The following MRPS6 variants were observed in gnomAD, a reference collection of about 807,000 sequenced individuals.
MRPS6 encodes mitochondrial ribosomal protein S6, also known as small ribosomal subunit protein bS6m.
Under a neutral mutation model 13.1 loss-of-function variants are expected in MRPS6, and 6 were observed. The observed-to-expected ratio is 0.46, with a 90% CI of 0.25 to 0.91. The LOEUF is 0.91. MRPS6 is among the 40% of genes least tolerant of loss of function. The pLI is 0.18. For synonymous variants in MRPS6, 61 were observed against 56.5 expected (o/e 1.08, Z -0.36); for missense variants, 164 against 155.6 (o/e 1.05, Z -0.29).
chr21:34,141,971 G>GT (rs1183463453), intron 2 of MRPS6, among the ~76,000 whole-genome samples: 1 of 152,190 alleles, frequency 6.6e-6, no homozygotes, highest in Non-Finnish European at 1.5e-5. Context: ...TCTTAGGTGT[G>GT]TTAGTTCACA....
chr21:34,079,597 AG>A (rs1287521104), intron 1 of MRPS6, among the ~76,000 whole-genome samples: 2 of 120,532 alleles, frequency 1.7e-5, no homozygotes, highest in Non-Finnish European at 3.2e-5. Flanking sequence ...CACCAGACCC[AG>A]CTAATTTTTT....
At chr21:34,099,141 A>AT in intron 1 of MRPS6, 2 of 999,548 alleles carry the variant, frequency 2.0e-6, no homozygotes, top group Non-Finnish European at 2.4e-6. Context: ...TGAAAAAATA[A>AT]TTTATGTATG....
intron 1 of MRPS6, among the ~76,000 whole-genome samples, chr21:34,074,235 C>T (rs1460708353): frequency 6.6e-6 from 1 of 151,466 alleles, no homozygotes; most frequent in Non-Finnish European, 1.5e-5. Context: ...TAGCGCCCGC[C>T]GGCCGCCCGG....
chr21:34,093,965 C>G (rs1277648148), intron 1 of MRPS6, among the ~76,000 whole-genome samples: 1 of 152,142 alleles, frequency 6.6e-6, no homozygotes, highest in African/African-American at 2.4e-5. Context: ...CTCCTCCTCC[C>G]TCTTTTCTCT....
intron 1 of MRPS6, chr21:34,095,613 C>T (rs1978929152): frequency 6.2e-7 from 1 of 1,613,740 alleles, no homozygotes; most frequent in Middle Eastern, 1.6e-4. Flanking sequence ...TTTCACCAAG[C>T]TCTCGGTGGA....
chr21:34,100,015 C>T (rs1979162071), intron 1 of MRPS6: 3 of 841,134 alleles, frequency 3.6e-6, no homozygotes, highest in South Asian at 1.1e-4. Flanking sequence ...GCAAAATGTT[C>T]ATACTTTACA....
chr21:34,112,885 C>T (rs532038726), intron 1 of MRPS6, among the ~76,000 whole-genome samples: 1 of 152,056 alleles, frequency 6.6e-6, no homozygotes, highest in African/African-American at 2.4e-5. Flanking sequence ...TTTGTGGGTG[C>T]GGTGGCTCAT....
intron 1 of MRPS6, among the ~76,000 whole-genome samples, chr21:34,115,489 G>T (rs1197123425): frequency 1.3e-5 from 2 of 152,216 alleles, no homozygotes; most frequent in African/African-American, 4.8e-5. Context: ...TTCCCCAAGA[G>T]ACAGAGTAAC....
rs527670058 is a variant in MRPS6 at position 34,100,261 on chromosome 21, A to C, written c.46-25080A>C. On this transcript the variant is annotated intron_variant, in intron 1 of 2. Coordinates refer to ENST00000399312, the MANE Select transcript of MRPS6 (RefSeq NM_032476.4). ...GTCTTCTCAGGCAATTTTCATCTCAAGATCTGATGAGAAGGGCATATTACA... is the reference window on the plus strand; with the variant it reads ...GTCTTCTCAGGCAATTTTCATCTCACGATCTGATGAGAAGGGCATATTACA... 12 of 1,000,052 alleles carry C rather than the reference A, an allele frequency of 1.2e-5. No homozygotes were observed. In the South Asian group the frequency reaches 4.7e-4, roughly 39 times the overall value. The allele number at this position is 1,000,052 out of a possible 1,614,324, so 61.9% of individuals were successfully genotyped here.
intron 1 of MRPS6, chr21:34,099,749 G>T: frequency 1.0e-6 from 1 of 980,244 alleles, no homozygotes. Context: ...GTCAAGTTTA[G>T]AGTACTAAAG....
intron 1 of MRPS6, among the ~76,000 whole-genome samples, chr21:34,120,481 G>A (rs181037678): frequency 6.6e-6 from 1 of 152,064 alleles, no homozygotes; most frequent in Non-Finnish European, 1.5e-5. Flanking sequence ...TTGCATAATA[G>A]CCCTGCAAAT....
intron 1 of MRPS6, chr21:34,094,822 C>T (rs1978894238): frequency 1.7e-5 from 3 of 174,852 alleles, no homozygotes; most frequent in African/African-American, 4.7e-5. Flanking sequence ...GCGAGACCTC[C>T]TCTACTTCAA....
chr21:34,097,141 C>T (rs141529022), intron 1 of MRPS6: 193 of 1,613,838 alleles, frequency 1.2e-4, no homozygotes, highest in Middle Eastern at 1.2e-3. Flanking sequence ...AAGAAAGAAA[C>T]GGATGATGGA....
At chr21:34,103,419 G>T in intron 1 of MRPS6, 1 of 997,112 alleles carries the variant, frequency 1.0e-6, no homozygotes, top group Non-Finnish European at 1.2e-6. Context: ...TAGCCTAAAT[G>T]TTGTTTCTTT....
At chr21:34,082,579 C>T (rs970528245) in intron 1 of MRPS6, among the ~76,000 whole-genome samples, 7 of 152,070 alleles carry the variant, frequency 4.6e-5, no homozygotes, top group Admixed American at 1.3e-4. Flanking sequence ...ATAGTTTACC[C>T]ATGATCCCTG....
At chr21:34,092,822 T>C (rs1960265317) in intron 1 of MRPS6, among the ~76,000 whole-genome samples, 2 of 152,172 alleles carry the variant, frequency 1.3e-5, no homozygotes, top group African/African-American at 2.4e-5. Flanking sequence ...CTCCCTTCTT[T>C]GGAAAGCACG....
At chr21:34,088,417 A>G (rs1978509242) in intron 1 of MRPS6, among the ~76,000 whole-genome samples, 1 of 152,072 alleles carries the variant, frequency 6.6e-6, no homozygotes, top group Non-Finnish European at 1.5e-5. Context: ...TTTTACTTTT[A>G]ATCTCTGCAT....
intron 1 of MRPS6, among the ~76,000 whole-genome samples, chr21:34,120,388 A>G (rs1980077059): frequency 6.6e-6 from 1 of 152,206 alleles, no homozygotes; most frequent in South Asian, 2.1e-4. Flanking sequence ...CTTGTTTACA[A>G]AATACAGCTT....
chr21:34,122,883 G>C (rs1013643604), intron 1 of MRPS6: 4 of 152,118 alleles, frequency 2.6e-5, no homozygotes, highest in African/African-American at 7.2e-5. Context: ...GATGTATGGC[G>C]ATGTCTTTGT....
Sources: gnomAD v4.1 joint callset for allele counts (sites outside exome capture counted in the v4.1 genomes callset) on GRCh38, gnomAD v4.1.1 for gene constraint, MANE v1.5 for transcripts, NCBI Gene and HGNC (gene_info 2026-07-23, HGNC 2026-07-21) for gene names.